CCDC7: variants seen among roughly 807,000 people sequenced by gnomAD.
CCDC7 encodes the protein coiled-coil domain containing 7, also known as coiled-coil domain-containing protein 7.
CCDC7 carries 183 observed loss-of-function variants against 196.9 expected under a neutral mutation model. That is an observed-to-expected ratio of 0.93 (90% CI 0.82 to 1.05). The LOEUF (loss-of-function observed/expected upper bound fraction) is 1.05, where lower values mean the gene tolerates loss of function less well. Among genes scored for constraint, CCDC7 ranks in the 50% least tolerant of loss-of-function variants. The pLI is 0.00. For synonymous variants in CCDC7, 525 were observed against 484.6 expected (o/e 1.08, Z -1.10); for missense variants, 1,540 against 1,482.2 (o/e 1.04, Z -0.64).
chr10:32,523,805 T>C (rs142153532), intron 11 of CCDC7, among the ~76,000 whole-genome samples: 1 of 152,176 alleles, frequency 6.6e-6, no homozygotes, highest in Non-Finnish European at 1.5e-5. Flanking sequence ...TCCTGCTTTT[T>C]TTTTGGTTTC....
chr10:32,488,013 G>A (rs1404792047), intron 8 of CCDC7, among the ~76,000 whole-genome samples: 1 of 152,230 alleles, frequency 6.6e-6, no homozygotes, highest in East Asian at 1.9e-4. Context: ...CTTCAAAGCT[G>A]TCAGACAGGG....
chr10:32,461,389 A>G (rs2035587293), intron 3 of CCDC7, among the ~76,000 whole-genome samples: 1 of 152,144 alleles, frequency 6.6e-6, no homozygotes, highest in Non-Finnish European at 1.5e-5. Flanking sequence ...AACTTATTGA[A>G]TACTGTACTG....
At chr10:32,687,839 TTATAGG>T (rs1295872942) in intron 22 of CCDC7, among the ~76,000 whole-genome samples, 3 of 152,300 alleles carry the variant, frequency 2.0e-5, no homozygotes, top group African/African-American at 7.2e-5. Context: ...AGCACATGTG[TTATAGG>T]TATCGTCACC....
chr10:32,660,680 A>T (rs1461630381), intron 20 of CCDC7, among the ~76,000 whole-genome samples: 2 of 152,102 alleles, frequency 1.3e-5, no homozygotes, highest in African/African-American at 2.4e-5. Flanking sequence ...TTCCAGTTCT[A>T]GATCCCTGAT....
chr10:32,528,371 A>G (rs1252358249), intron 11 of CCDC7, among the ~76,000 whole-genome samples: 3 of 151,684 alleles, frequency 2.0e-5, no homozygotes, highest in African/African-American at 7.3e-5. Flanking sequence ...AGCAGTGTAC[A>G]CTGTACCCAA....
intron 24 of CCDC7, among the ~76,000 whole-genome samples, chr10:32,704,869 G>GT (rs1385422862): frequency 1.3e-5 from 2 of 152,138 alleles, no homozygotes; most frequent in Non-Finnish European, 2.9e-5. Flanking sequence ...GAAAAGCGCA[G>GT]TATTAGGTTG....
At chr10:32,518,821 A>T (rs1056453048) in intron 11 of CCDC7, among the ~76,000 whole-genome samples, 2 of 152,138 alleles carry the variant, frequency 1.3e-5, no homozygotes, top group African/African-American at 4.8e-5. Flanking sequence ...TATTTTCTAC[A>T]ATTATGTAAT....
chr10:32,493,702 A>G (rs2042479523), intron 9 of CCDC7, among the ~76,000 whole-genome samples: 1 of 151,996 alleles, frequency 6.6e-6, no homozygotes, highest in Non-Finnish European at 1.5e-5. Context: ...CAGTACTTAA[A>G]TGTTTTTTCT....
At chr10:32,642,603 C>T (rs11817762) in intron 20 of CCDC7, among the ~76,000 whole-genome samples, 8,079 of 152,282 alleles carry the variant, frequency 0.053, 717 homozygotes, top group African/African-American at 0.18. Flanking sequence ...CTTTGCACTT[C>T]CCAGGTGAGG....
chr10:32,637,242 T>A (rs1042532005), intron 20 of CCDC7, among the ~76,000 whole-genome samples: 22 of 152,188 alleles, frequency 1.4e-4, no homozygotes, highest in African/African-American at 5.3e-4. Context: ...AATTAGATCC[T>A]ATTTGTCAAT....
At chr10:32,694,749 A>T (rs974577823) in intron 23 of CCDC7, 130 bp from the exon 25 acceptor site, 3 of 520,682 alleles carry the variant, frequency 5.8e-6, no homozygotes, top group African/African-American at 5.8e-5. Flanking sequence ...TCACATCTGG[A>T]TTTCTGATAA....
intron 22 of CCDC7, among the ~76,000 whole-genome samples, chr10:32,686,296 TC>T (rs1477250343): frequency 6.6e-6 from 1 of 152,216 alleles, no homozygotes. Context: ...GATCATGTGC[TC>T]AGTATTCACC....
chr10:32,511,530 A>G (rs774024154), intron 9 of CCDC7: 114 of 1,606,724 alleles, frequency 7.1e-5, no homozygotes, highest in South Asian at 3.4e-4. Flanking sequence ...TGGGTTGCCA[A>G]ATAAACCCAA....
intron 22 of CCDC7, 73 bp downstream of exon 23, chr10:32,686,153 A>G: frequency 1.4e-6 from 1 of 736,908 alleles, no homozygotes; most frequent in Non-Finnish European, 2.1e-6. Flanking sequence ...TCTTCAGTTC[A>G]TGAATCTTGA....
chr10:32,720,442 AG>A (rs1400407100), intron 25 of CCDC7, among the ~76,000 whole-genome samples: 1 of 152,010 alleles, frequency 6.6e-6, no homozygotes, highest in Non-Finnish European at 1.5e-5. Context: ...GGTCAAGGGG[AG>A]GGATAGCATT....
intron 21 of CCDC7, among the ~76,000 whole-genome samples, chr10:32,682,264 A>G (rs2075959775): frequency 6.6e-6 from 1 of 152,216 alleles, no homozygotes; most frequent in Non-Finnish European, 1.5e-5. Flanking sequence ...CTTACAAGAG[A>G]GAACATGTGG....
intron 18 of CCDC7, among the ~76,000 whole-genome samples, chr10:32,633,207 G>T (rs576255214): frequency 1.9e-5 from 1 of 53,668 alleles, no homozygotes; most frequent in East Asian, 4.9e-4. Context: ...GTTTGCGCGC[G>T]TGCACGCACA....
chr10:32,445,785 TAC>T (rs1295185098), upstream of CCDC7, among the ~76,000 whole-genome samples: 1 of 152,116 alleles, frequency 6.6e-6, no homozygotes, highest in Non-Finnish European at 1.5e-5. Context: ...AACTCCACAA[TAC>T]ACTGAAAAGA....
chr10:32,471,021 A>G (rs756988378), intron 5 of CCDC7, 43 bp from the exon 7 acceptor site: 2 of 1,497,426 alleles, frequency 1.3e-6, no homozygotes, highest in Non-Finnish European at 1.8e-6. Flanking sequence ...TATGGGAACA[A>G]AATGGGTATT....
Sources: gnomAD v4.1 joint callset for allele counts (sites outside exome capture counted in the v4.1 genomes callset) on GRCh38, gnomAD v4.1.1 for gene constraint, MANE v1.5 for transcripts, NCBI Gene and HGNC (gene_info 2026-07-23, HGNC 2026-07-21) for gene names.